NFIA: variants seen among roughly 807,000 people sequenced by gnomAD.
The protein encoded by NFIA is nuclear factor I A.
In NFIA, 8 loss-of-function variants were observed where a neutral mutation model predicts 62.8. The observed-to-expected ratio is 0.13, with a 90% CI of 0.07 to 0.23. NFIA has a LOEUF of 0.23. Among genes scored for constraint, NFIA ranks in the 10% least tolerant of loss-of-function variants. NFIA has a pLI of 1.00. For missense variants in NFIA, 410 were observed against 642.1 expected (o/e 0.64, Z 3.91); for synonymous variants, 235 against 238.1 (o/e 0.99, Z 0.12).
intron 3 of NFIA, among the ~76,000 whole-genome samples, chr1:61,329,832 T>A (rs1661194491): frequency 6.6e-6 from 1 of 152,102 alleles, no homozygotes; most frequent in Non-Finnish European, 1.5e-5. Context: ...CAGCCCTGGC[T>A]AAAGGGTGGA....
In NFIA at chr1:61,453,442, AC is replaced by A. The variant is rs1246296556; in HGVS notation, c.1513-1860del. ...ACTGAATAGTAAGATGTGTGAAGAAACTTTTTTTTTTTTTTTTTTTTTTTTG... is the reference window on the plus strand; with the variant it reads ...ACTGAATAGTAAGATGTGTGAAGAAATTTTTTTTTTTTTTTTTTTTTTTTG... On this transcript the variant is annotated intron_variant, in intron 10 of 10. Transcript: ENST00000403491. 4.7e-4 allele frequency among the ~76,000 whole-genome samples: 62 copies of A among 132,500 alleles called. 1 individual carries two copies. Among genetic ancestry groups the A allele is most frequent in the African/African-American group, 1.6e-3 (58 of 35,586 alleles). 86.9% of individuals were successfully genotyped at this position (132,500 alleles called of 152,430 possible). A position where few individuals can be genotyped will look rare whatever the true frequency, so the allele number is the denominator to read the frequency against.
chr1:61,436,295 A>G (rs1269253076), intron 10 of NFIA, among the ~76,000 whole-genome samples: 4 of 152,150 alleles, frequency 2.6e-5, no homozygotes, highest in Non-Finnish European at 4.4e-5. Context: ...TTGAGTCAAC[A>G]CAAGTTCAGA....
At chr1:61,287,183 G>C (rs1186810142) in intron 3 of NFIA, among the ~76,000 whole-genome samples, 1 of 152,196 alleles carries the variant, frequency 6.6e-6, no homozygotes, top group African/African-American at 2.4e-5. Flanking sequence ...GATAATGAGT[G>C]TTCAGTGGGA....
chr1:61,215,100 C>T (rs954675940), intron 2 of NFIA, among the ~76,000 whole-genome samples: 3 of 151,942 alleles, frequency 2.0e-5, no homozygotes, highest in Non-Finnish European at 4.4e-5. Flanking sequence ...TCTTTTAAAA[C>T]TGAAAAAAAT....
chr1:61,188,583 T>C (rs1332430242), intron 2 of NFIA, among the ~76,000 whole-genome samples: 1 of 152,226 alleles, frequency 6.6e-6, no homozygotes, highest in African/African-American at 2.4e-5. Flanking sequence ...AGGCAAATTA[T>C]TTGACTTTGT....
intron 2 of NFIA, among the ~76,000 whole-genome samples, chr1:61,242,676 C>A (rs1262970423): frequency 2.0e-5 from 3 of 152,216 alleles, no homozygotes; most frequent in African/African-American, 7.2e-5. Flanking sequence ...TTAAATAGAT[C>A]TTCTGTTTAA....
intron 3 of NFIA, among the ~76,000 whole-genome samples, chr1:61,295,120 C>T (rs1475392344): frequency 6.6e-6 from 1 of 152,206 alleles, no homozygotes; most frequent in African/African-American, 2.4e-5. Flanking sequence ...CTTCCGTCTA[C>T]GTCACCACCA....
At chr1:61,399,560 C>A (rs1665448851) in intron 7 of NFIA, among the ~76,000 whole-genome samples, 1 of 152,094 alleles carries the variant, frequency 6.6e-6, no homozygotes, top group Admixed American at 6.6e-5. Context: ...ATATTTCAAC[C>A]CATAAAATTT....
intron 9 of NFIA, 73 bp from the exon 10 acceptor site, chr1:61,426,392 T>C (rs949037349): frequency 2.9e-5 from 29 of 995,384 alleles, no homozygotes; most frequent in Non-Finnish European, 4.2e-5. Flanking sequence ...GCTCGGAGAC[T>C]GTGTGTTTTG....
chr1:61,402,060 C>T (rs866295232), intron 7 of NFIA, among the ~76,000 whole-genome samples: 69 of 60,152 alleles, frequency 1.1e-3, no homozygotes, highest in South Asian at 5.0e-3. Context: ...TTTTTTGAGA[C>T]GGAGTCTCCC....
intron 7 of NFIA, among the ~76,000 whole-genome samples, chr1:61,393,658 A>G (rs969145689): frequency 6.6e-6 from 1 of 152,062 alleles, no homozygotes; most frequent in African/African-American, 2.4e-5. Context: ...GTCCATCCTA[A>G]CCACATAGGC....
chr1:61,271,840 A>C (rs913376589), intron 2 of NFIA, among the ~76,000 whole-genome samples: 1 of 152,236 alleles, frequency 6.6e-6, no homozygotes, highest in African/African-American at 2.4e-5. Context: ...AGTTATAAAG[A>C]TGAAATTTTG....
At chr1:61,355,221 C>G (rs924563769) in intron 5 of NFIA, among the ~76,000 whole-genome samples, 1 of 150,850 alleles carries the variant, frequency 6.6e-6, no homozygotes, top group East Asian at 2.0e-4. Context: ...TCGTGTAGAT[C>G]TTACAGATAC....
chr1:61,350,712 A>T (rs867352290), intron 4 of NFIA, among the ~76,000 whole-genome samples: 7 of 152,238 alleles, frequency 4.6e-5, no homozygotes, highest in Admixed American at 3.3e-4. Flanking sequence ...TTTCCCGTGT[A>T]TTCTACACTA....
At chr1:61,375,829 C>T (rs1664124324) in intron 6 of NFIA, among the ~76,000 whole-genome samples, 1 of 152,168 alleles carries the variant, frequency 6.6e-6, no homozygotes, top group Non-Finnish European at 1.5e-5. Flanking sequence ...TTTTTCTGCT[C>T]TCCTGTGCAG....
intron 2 of NFIA, among the ~76,000 whole-genome samples, chr1:61,177,645 TTTCTC>T (rs1650465891): frequency 7.3e-6 from 1 of 137,732 alleles, no homozygotes. Flanking sequence ...GTAAGAATGT[TTTCTC>T]TATTGTGTGT....
rs536465531 is a variant in NFIA, at chr1:61,347,335, G to A, written c.701-5115G>A. On this transcript the variant is annotated intron_variant, in intron 4 of 10. Transcript: ENST00000403491. ...ACTACAGGCGCCCACCACCACGCCC[G>A]GCTAATTTTCTGTATTTTTAGCAGA... Among the ~76,000 whole-genome samples the A allele has an allele frequency of 8.7e-4, 132 of 151,788 alleles. 2 individuals are homozygous for A. The South Asian group carries it at 0.022, about 26-fold the overall frequency.
upstream of NFIA, chr1:61,082,171 G>T: frequency 2.6e-6 from 1 of 388,516 alleles, no homozygotes; most frequent in South Asian, 2.1e-5. Context: ...GCTCCTCACT[G>T]CGTTACCCAG....
chr1:61,130,609 C>T (rs577056252), intron 2 of NFIA, among the ~76,000 whole-genome samples: 1 of 152,264 alleles, frequency 6.6e-6, no homozygotes, highest in African/African-American at 2.4e-5. Flanking sequence ...TCTTACTAGA[C>T]CACGCCAGTG....
Sources: allele counts gnomAD v4.1 joint callset (sites outside exome capture counted in the v4.1 genomes callset), GRCh38; gene constraint gnomAD v4.1.1; transcripts MANE v1.5; gene names NCBI Gene and HGNC (gene_info 2026-07-23, HGNC 2026-07-21).